YIPF6: variants seen among roughly 807,000 people sequenced by gnomAD.
The protein encoded by YIPF6 is protein YIPF6.
Under a neutral mutation model 16.8 loss-of-function variants are expected in YIPF6, and 3 were observed. That is an observed-to-expected ratio of 0.18 (90% CI 0.08 to 0.46). The LOEUF (loss-of-function observed/expected upper bound fraction) is 0.46, where lower values mean the gene tolerates loss of function less well. YIPF6 is among the 20% of genes least tolerant of loss of function. The probability of loss-of-function intolerance (pLI) is 0.98; values close to 1 mark genes in which losing one functional copy is unlikely to be tolerated. For missense variants in YIPF6, 145 were observed against 184.9 expected, an observed-to-expected ratio of 0.78 and a Z score of 1.25; for synonymous variants, 67 against 61.9, an observed-to-expected ratio of 1.08 and a Z score of -0.38.
At chrX:68,500,473 G>A (rs1433658922) in intron 1 of YIPF6, among the ~76,000 whole-genome samples, 1 of 110,503 alleles carries the variant, frequency 9.0e-6, no homozygotes, top group African/African-American at 3.3e-5. Flanking sequence ...CTGCCACTAC[G>A]TCCAGCTAAT....
At chrX:68,515,210 C>G (rs2079097018) in intron 3 of YIPF6, 1 of 107,006 alleles carries the variant, frequency 9.3e-6, no homozygotes, top group Non-Finnish European at 1.9e-5. Flanking sequence ...CCTGTAATCC[C>G]AGCTACTCGG....
At chrX:68,501,430 A>G (rs1269670845) in intron 1 of YIPF6, among the ~76,000 whole-genome samples, 1 of 111,618 alleles carries the variant, frequency 9.0e-6, no homozygotes, top group Non-Finnish European at 1.9e-5. Context: ...TCCTCTGCGT[A>G]TTTGCTACTA....
At chrX:68,523,517 T>C (rs776088672) in intron 6 of YIPF6, among the ~76,000 whole-genome samples, 13 of 111,450 alleles carry the variant, frequency 1.2e-4, no homozygotes, top group Admixed American at 4.8e-4. Context: ...CCAGTGTAGA[T>C]TGTAAGTATC....
In YIPF6 at chrX:68,522,922, G is replaced by A. The variant is rs1382700598; in HGVS notation, c.592+5G>A. 8.3e-7 allele frequency: 1 copy of A among 1,208,717 alleles called. No homozygotes were observed. The highest frequency in any genetic ancestry group is 1.1e-6 in the Non-Finnish European group (1 of 894,679). On this transcript the variant is annotated splice_donor_5th_base_variant and intron_variant, in intron 6 of 6. Coordinates refer to ENST00000462683, the MANE Select transcript of YIPF6 (RefSeq NM_173834.4). ...TGTTTGCCTGGTCTATAGTTGGTAA[G>A]TATGTACTTATTTCCACAATAACAG...
chrX:68,502,261 C>G (rs1046756949), intron 1 of YIPF6, among the ~76,000 whole-genome samples: 4 of 111,839 alleles, frequency 3.6e-5, no homozygotes, highest in Non-Finnish European at 7.5e-5. Flanking sequence ...ATCTGGACAA[C>G]AGCAGTGGCA....
At chrX:68,501,158 C>G (rs1001289670) in intron 1 of YIPF6, among the ~76,000 whole-genome samples, 2 of 111,802 alleles carry the variant, frequency 1.8e-5, no homozygotes, top group Non-Finnish European at 3.8e-5. Flanking sequence ...GGGCCTGCCT[C>G]TATGGTGCTA....
At chrX:68,528,972 A>G (rs1230745196) in intron 6 of YIPF6, among the ~76,000 whole-genome samples, 7 of 110,915 alleles carry the variant, frequency 6.3e-5, no homozygotes, top group Non-Finnish European at 1.3e-4. Context: ...TGTTCTTCTC[A>G]AGGAATATCT....
intron 3 of YIPF6, among the ~76,000 whole-genome samples, chrX:68,518,083 C>A (rs2079111030): frequency 9.1e-6 from 1 of 110,270 alleles, no homozygotes; most frequent in African/African-American, 3.3e-5. Context: ...ATCATGCTGG[C>A]CAACATGGTG....
At chrX:68,529,721 C>T (rs1344541729) in intron 6 of YIPF6, among the ~76,000 whole-genome samples, 1 of 111,724 alleles carries the variant, frequency 9.0e-6, no homozygotes, top group East Asian at 2.8e-4. Context: ...TTCCTTCTAA[C>T]AGTCAGGCCC....
intron 6 of YIPF6, 51 bp downstream of exon 6, chrX:68,522,968 A>G (rs1004398242): frequency 8.5e-7 from 1 of 1,183,100 alleles, no homozygotes; most frequent in Non-Finnish European, 1.1e-6. Context: ...AACATGATTT[A>G]ATGATGAAGA....
intron 1 of YIPF6, among the ~76,000 whole-genome samples, chrX:68,499,476 C>T (rs2079032854): frequency 8.9e-6 from 1 of 111,751 alleles, no homozygotes; most frequent in East Asian, 2.8e-4. Context: ...TGTCACCAGC[C>T]TTTGTTGAAG....
chrX:68,537,198 A>AT lies in YIPF6; in HGVS notation c.*5206dup, dbSNP rs914671777. 3.6e-5 allele frequency: 4 copies of AT among 111,695 alleles called. No individual in the cohort carries two copies. Among genetic ancestry groups the AT allele is most frequent in the African/African-American group, 9.8e-5 (3 of 30,760 alleles). The allele number at this position is 111,695 out of a possible 1,213,427, so 9.2% of individuals were successfully genotyped here. A position where few individuals can be genotyped will look rare whatever the true frequency, so the allele number is the denominator to read the frequency against. ...TTTTCAATACTCCATTTTAATCTTG[A>AT]TTTTTTTCTATAAATAATAAATCTG... is the stretch of plus-strand genomic sequence containing the variant. On this transcript the variant is annotated 3_prime_UTR_variant, in exon 7 of 7. Coordinates refer to ENST00000462683, the MANE Select transcript of YIPF6 (RefSeq NM_173834.4).
In YIPF6 at chrX:68,537,280, A is replaced by G. The variant is rs1290614831; in HGVS notation, c.*5281A>G. The G allele has an allele frequency of 8.9e-6, 1 of 112,319 alleles. No homozygotes were observed. Among genetic ancestry groups the G allele is most frequent in the Admixed American group, 9.5e-5 (1 of 10,529 alleles). 9.3% of individuals were successfully genotyped at this position (112,319 alleles called of 1,213,427 possible). On this transcript the variant is annotated 3_prime_UTR_variant, in exon 7 of 7. Coordinates refer to ENST00000462683, the MANE Select transcript of YIPF6 (RefSeq NM_173834.4). Reference sequence around the variant, plus strand: ...AAATGTGCAACTAAAAACACTGGAAAAAGAATTTGTGTGTGCCTATTCTTG... The same window carrying G: ...AAATGTGCAACTAAAAACACTGGAAGAAGAATTTGTGTGTGCCTATTCTTG...
At chrX:68,528,115 A>C (rs1450401284) in intron 6 of YIPF6, among the ~76,000 whole-genome samples, 1 of 111,463 alleles carries the variant, frequency 9.0e-6, no homozygotes, top group Non-Finnish European at 1.9e-5. Flanking sequence ...GTGTGGGAGT[A>C]TAAGTCTCTT....
intron 3 of YIPF6, among the ~76,000 whole-genome samples, chrX:68,517,833 G>A (rs181802445): frequency 2.7e-3 from 297 of 109,393 alleles, no homozygotes; most frequent in Middle Eastern, 4.7e-3. Context: ...GGGTGTGGTG[G>A]CGTGTGCCTG....
At chrX:68,516,282 CA>C (rs1392990471) in intron 3 of YIPF6, among the ~76,000 whole-genome samples, 2 of 111,427 alleles carry the variant, frequency 1.8e-5, no homozygotes, top group African/African-American at 6.5e-5. Flanking sequence ...CATTTTTTGT[CA>C]TTATCAAGTA....
intron 6 of YIPF6, among the ~76,000 whole-genome samples, chrX:68,528,140 A>G (rs2079156692): frequency 9.0e-6 from 1 of 111,286 alleles, no homozygotes; most frequent in Non-Finnish European, 1.9e-5. Flanking sequence ...GGTCTTTAAG[A>G]ATTTGTTTTA....
chrX:68,513,276 C>A, intron 2 of YIPF6, 51 bp from the exon 3 acceptor site: 1 of 1,025,512 alleles, frequency 9.8e-7, no homozygotes, highest in Non-Finnish European at 1.3e-6. Context: ...TTAAGTAAGG[C>A]TGCTGGCAAC....
intron 1 of YIPF6, among the ~76,000 whole-genome samples, chrX:68,504,282 A>G (rs1246886099): frequency 1.8e-5 from 2 of 111,370 alleles, no homozygotes; most frequent in African/African-American, 3.3e-5. Flanking sequence ...TCATGTGTCT[A>G]TAGTTTTTAT....
Sources: allele counts gnomAD v4.1 joint callset (sites outside exome capture counted in the v4.1 genomes callset), GRCh38; gene constraint gnomAD v4.1.1; transcripts MANE v1.5; gene names NCBI Gene and HGNC (gene_info 2026-07-23, HGNC 2026-07-21).